LRP1B: variants seen among roughly 807,000 people sequenced by gnomAD.
The protein encoded by LRP1B is LDL receptor related protein 1B.
LRP1B carries 217 observed loss-of-function variants against 556.6 expected under a neutral mutation model. That is an observed-to-expected ratio of 0.39 (90% CI 0.35 to 0.44). LRP1B has a LOEUF of 0.44. Ranked by LOEUF, LRP1B falls within the 20% of genes least tolerant of loss-of-function variation. LRP1B has a pLI of 1.00. For missense variants in LRP1B, 5,053 were observed against 5,620.8 expected (o/e 0.90, Z 3.23); for synonymous variants, 2,047 against 1,865.8 (o/e 1.10, Z -2.50).
At chr2:142,125,370 A>T (rs1707604834) in intron 1 of LRP1B, among the ~76,000 whole-genome samples, 1 of 151,784 alleles carries the variant, frequency 6.6e-6, no homozygotes, top group Admixed American at 6.6e-5. Flanking sequence ...TATTCAAATG[A>T]GAGAGGACTG....
intron 3 of LRP1B, among the ~76,000 whole-genome samples, chr2:141,414,851 T>C (rs1244176221): frequency 1.3e-5 from 2 of 152,198 alleles, no homozygotes; most frequent in Non-Finnish European, 2.9e-5. Flanking sequence ...ACCCTAAATG[T>C]TCAACAGAAC....
Position 140,364,798 on chromosome 2 carries a change from A to T in LRP1B, c.11009-15T>A. The T allele has an allele frequency of 6.2e-7, 1 of 1,606,466 alleles. No homozygotes were observed. The highest frequency in any genetic ancestry group is 8.5e-7 in the Non-Finnish European group (1 of 1,175,312). ...TATATTTCCTCCTTTATTTTAAAAC[A>T]AAAAGAAACAAAGAGATTCAGAGTA... On this transcript the variant is annotated splice_polypyrimidine_tract_variant and intron_variant, in intron 71 of 90. Transcript: ENST00000389484.
Position 141,111,045 on chromosome 2 carries a change from C to G in LRP1B, c.1014-48772G>C, listed in dbSNP as rs1383335702. On this transcript the variant is annotated intron_variant, in intron 7 of 90. Transcript: ENST00000389484. ...ATGAAATGGCAAGGCGAAGAGCCAG[C>G]CAGTCACCCCATGAAATAAGCTAAA... Among the ~76,000 whole-genome samples, 3 of 152,250 alleles carry G rather than the reference C, an allele frequency of 2.0e-5. No homozygotes were observed. In the East Asian group the frequency reaches 5.8e-4, roughly 30 times the overall value.
intron 66 of LRP1B, among the ~76,000 whole-genome samples, chr2:140,413,505 T>C (rs1191872041): frequency 6.6e-6 from 1 of 152,184 alleles, no homozygotes; most frequent in Non-Finnish European, 1.5e-5. Context: ...TTGCCTTGTC[T>C]GAGACATAGC....
intron 2 of LRP1B, among the ~76,000 whole-genome samples, chr2:141,680,012 C>T (rs1220413910): frequency 6.6e-6 from 1 of 151,664 alleles, no homozygotes; most frequent in East Asian, 1.9e-4. Flanking sequence ...TGGGCTTTAG[C>T]CATATGGGTA....
At position 141,701,039 on chromosome 2, in the gene LRP1B, A is replaced by C. The variant is rs549712692; in HGVS notation, c.205+109240T>G. Reference sequence around the variant, plus strand: ...TTCTCCTCTTTGTTTCCTGATTGGCATCTAAATTTACTGCTCTTGGCTAAA... The same window carrying C: ...TTCTCCTCTTTGTTTCCTGATTGGCCTCTAAATTTACTGCTCTTGGCTAAA... On this transcript the variant is annotated intron_variant, in intron 2 of 90. Transcript: ENST00000389484. 1.1e-4 allele frequency among the ~76,000 whole-genome samples: 17 copies of C among 151,876 alleles called. No homozygotes were observed. The South Asian group carries it at 1.2e-3, about 11-fold the overall frequency.
chr2:140,767,426 T>C (rs1051563586), intron 35 of LRP1B, among the ~76,000 whole-genome samples: 1 of 151,914 alleles, frequency 6.6e-6, no homozygotes, highest in Non-Finnish European at 1.5e-5. Context: ...TATTAATAAT[T>C]ATTGGGCATT....
chr2:141,335,366 G>A (rs1436117813), intron 3 of LRP1B, among the ~76,000 whole-genome samples: 1 of 152,152 alleles, frequency 6.6e-6, no homozygotes, highest in African/African-American at 2.4e-5. Context: ...CAAATATCAG[G>A]AACATGAAAA....
intron 17 of LRP1B, among the ~76,000 whole-genome samples, chr2:140,983,205 G>A (rs944273550): frequency 9.9e-5 from 15 of 151,844 alleles, no homozygotes; most frequent in African/African-American, 3.6e-4. Context: ...TCTGAACTAC[G>A]AATATGTCTT....
chr2:140,381,081 A>T (rs1375344676), intron 67 of LRP1B, among the ~76,000 whole-genome samples: 1 of 152,144 alleles, frequency 6.6e-6, no homozygotes, highest in Non-Finnish European at 1.5e-5. Context: ...TACCAAGTCT[A>T]TTTCTAACCA....
chr2:141,012,217 T>C (rs1697774815), intron 14 of LRP1B, among the ~76,000 whole-genome samples: 2 of 151,970 alleles, frequency 1.3e-5, no homozygotes, highest in South Asian at 4.1e-4. Context: ...ACTCTGAAGA[T>C]GGTAAAAATG....
intron 43 of LRP1B, among the ~76,000 whole-genome samples, chr2:140,550,528 T>C (rs1244660877): frequency 1.3e-5 from 2 of 152,134 alleles, no homozygotes; most frequent in East Asian, 1.9e-4. Context: ...TAAGTTCTCT[T>C]GTGCTTAGAA....
chr2:140,644,560 G>A (rs1190311287), intron 41 of LRP1B, among the ~76,000 whole-genome samples: 1 of 151,700 alleles, frequency 6.6e-6, no homozygotes, highest in Non-Finnish European at 1.5e-5. Flanking sequence ...ACCATGCCTG[G>A]CTAATTTTTG....
intron 2 of LRP1B, among the ~76,000 whole-genome samples, chr2:141,552,928 G>A (rs552696739): frequency 3.4e-4 from 52 of 151,980 alleles, no homozygotes; most frequent in African/African-American, 1.2e-3. Context: ...CAAAAACTAC[G>A]TTATATGAGA....
intron 20 of LRP1B, among the ~76,000 whole-genome samples, chr2:140,925,658 CT>C (rs1233724809): frequency 6.6e-6 from 1 of 152,116 alleles, no homozygotes; most frequent in African/African-American, 2.4e-5. Flanking sequence ...GAATCAAAGA[CT>C]GGCAGCTCAT....
intron 2 of LRP1B, among the ~76,000 whole-genome samples, chr2:141,742,366 C>A (rs181359917): frequency 1.0e-3 from 155 of 151,874 alleles, no homozygotes; most frequent in African/African-American, 3.0e-3. Context: ...ATTCTCCTGC[C>A]TCAGCCTCTC....
At chr2:140,309,418 CT>C (rs1359919227) in intron 83 of LRP1B, among the ~76,000 whole-genome samples, 1 of 151,768 alleles carries the variant, frequency 6.6e-6, no homozygotes, top group Non-Finnish European at 1.5e-5. Context: ...TATAAGTAAG[CT>C]AACTTAAGCC....
chr2:141,942,150 T>G (rs1430101946), intron 1 of LRP1B, among the ~76,000 whole-genome samples: 1 of 152,132 alleles, frequency 6.6e-6, no homozygotes, highest in South Asian at 2.1e-4. Context: ...AATATACAGA[T>G]TGGTGTGCTT....
In LRP1B at chr2:140,850,125, C is replaced by T. The variant is rs143407457; in HGVS notation, c.4916G>A (p.Gly1639Glu). 1 of 1,610,676 alleles carries T rather than the reference C, an allele frequency of 6.2e-7. No individual in the cohort carries two copies. Among genetic ancestry groups the T allele is most frequent in the African/African-American group, 1.3e-5 (1 of 74,798 alleles). ...TIKRAFINGT[G>E]LETVISRDIQ... Reference sequence around the variant, plus strand: ...ACCTCTTGAAATAACAGTTTCTAACCCAGTTCCGTTAATAAAAGCTCGTTT... The same window carrying T: ...ACCTCTTGAAATAACAGTTTCTAACTCAGTTCCGTTAATAAAAGCTCGTTT... Residue 1639 changes from glycine (G) to glutamate (E), a missense_variant, in exon 29 of 91, where the codon GGG becomes GAG. Transcript: ENST00000389484.
Sources: gnomAD v4.1 joint callset for allele counts (sites outside exome capture counted in the v4.1 genomes callset) on GRCh38, gnomAD v4.1.1 for gene constraint, MANE v1.5 for transcripts, NCBI Gene and HGNC (gene_info 2026-07-23, HGNC 2026-07-21) for gene names.